Variants in CNTNAP2 observed in about 807,000 individuals in gnomAD.
CNTNAP2 encodes the protein contactin-associated protein-like 2.
In CNTNAP2, 98 loss-of-function variants were observed where a neutral mutation model predicts 155.2. That is an observed-to-expected ratio of 0.63 (90% CI 0.54 to 0.75). The LOEUF is 0.75. Ranked by LOEUF, CNTNAP2 falls within the 30% of genes least tolerant of loss-of-function variation. CNTNAP2 has a pLI of 0.00. For missense variants in CNTNAP2, 1,727 were observed against 1,688.1 expected, an observed-to-expected ratio of 1.02 and a Z score of -0.40; for synonymous variants, 651 against 631.2, an observed-to-expected ratio of 1.03 and a Z score of -0.47.
At chr7:146,248,784 A>G (rs533542376) in intron 1 of CNTNAP2, among the ~76,000 whole-genome samples, 4 of 152,266 alleles carry the variant, frequency 2.6e-5, no homozygotes, top group Admixed American at 2.6e-4. Context: ...TCCCAAGGGA[A>G]GTCCCCTGAT....
intron 1 of CNTNAP2, among the ~76,000 whole-genome samples, chr7:146,728,714 A>G (rs1191696231): frequency 6.6e-6 from 1 of 152,134 alleles, no homozygotes; most frequent in Non-Finnish European, 1.5e-5. Flanking sequence ...TTCGAGTTGA[A>G]TAAAATCCTC....
chr7:148,369,654 T>G (rs1477268057), intron 21 of CNTNAP2, among the ~76,000 whole-genome samples: 2 of 147,928 alleles, frequency 1.4e-5, no homozygotes, highest in Non-Finnish European at 3.0e-5. Context: ...ATTATTATTA[T>G]TATTATTATT....
At chr7:147,625,259 G>A (rs1210029766) in intron 12 of CNTNAP2, among the ~76,000 whole-genome samples, 1 of 152,104 alleles carries the variant, frequency 6.6e-6, no homozygotes, top group East Asian at 1.9e-4. Context: ...GAGTCTAATT[G>A]GATTGTTTGT....
intron 22 of CNTNAP2, among the ~76,000 whole-genome samples, chr7:148,393,412 C>T (rs1236622947): frequency 1.3e-5 from 2 of 152,206 alleles, no homozygotes; most frequent in Non-Finnish European, 1.5e-5. Context: ...GTGCATTTTC[C>T]TGCAAAGATC....
At chr7:147,123,066 A>T (rs1357654111) in intron 6 of CNTNAP2, among the ~76,000 whole-genome samples, 3 of 152,224 alleles carry the variant, frequency 2.0e-5, no homozygotes, top group African/African-American at 7.2e-5. Flanking sequence ...ACTGATGGAG[A>T]CTTTATTAAC....
intron 21 of CNTNAP2, among the ~76,000 whole-genome samples, chr7:148,382,904 A>G (rs921940758): frequency 6.6e-6 from 1 of 152,256 alleles, no homozygotes; most frequent in African/African-American, 2.4e-5. Context: ...TTTAACTGGT[A>G]TAACAACGTG....
At chr7:146,964,881 A>G (rs1350627880) in intron 3 of CNTNAP2, among the ~76,000 whole-genome samples, 1 of 102,636 alleles carries the variant, frequency 9.7e-6, no homozygotes, top group African/African-American at 3.1e-5. Flanking sequence ...GTTATTTACT[A>G]AAACAGGTGA....
In CNTNAP2 at chr7:147,515,572, C is replaced by T. The variant is rs187339464; in HGVS notation, c.1777+29531C>T. On this transcript the variant is annotated intron_variant, in intron 11 of 23. Transcript: ENST00000361727. ...TCTTGACCTCGTGATCTGCCCACCT[C>T]GGCCTCCCAAAGTGCTGGGATTACA... Among the ~76,000 whole-genome samples the T allele has an allele frequency of 9.9e-5, 15 of 152,206 alleles. No individual in the cohort carries two copies. The East Asian group carries it at 2.5e-3, about 25-fold the overall frequency.
intron 9 of CNTNAP2, among the ~76,000 whole-genome samples, chr7:147,394,835 G>GTGTGTT (rs1004619177): frequency 2.8e-5 from 4 of 145,234 alleles, no homozygotes; most frequent in Non-Finnish European, 6.2e-5. Flanking sequence ...GTGTGTGTGT[G>GTGTGTT]TGTGTGTGTG....
intron 3 of CNTNAP2, among the ~76,000 whole-genome samples, chr7:146,855,817 A>G (rs1251815731): frequency 1.6e-3 from 61 of 37,554 alleles, no homozygotes; most frequent in African/African-American, 0.01. Flanking sequence ...GTATATATAT[A>G]TATATATATA....
chr7:148,233,494 AG>A (rs1331241844), intron 20 of CNTNAP2, among the ~76,000 whole-genome samples: 4 of 152,212 alleles, frequency 2.6e-5, no homozygotes, highest in African/African-American at 9.6e-5. Flanking sequence ...GCAACCCATA[AG>A]GATGAACTAA....
chr7:147,087,758 T>C (rs1481325991), intron 4 of CNTNAP2, among the ~76,000 whole-genome samples: 2 of 151,982 alleles, frequency 1.3e-5, no homozygotes, highest in East Asian at 1.9e-4. Context: ...AGGTGGATCA[T>C]ATGAGGTCAG....
intron 1 of CNTNAP2, among the ~76,000 whole-genome samples, chr7:146,151,689 T>TAA (rs1798052233): frequency 7.7e-5 from 3 of 38,930 alleles, no homozygotes; most frequent in Non-Finnish European, 1.5e-4. Context: ...TATGTATATA[T>TAA]ATATATATGT....
At chr7:147,671,247 G>A (rs543230150) in intron 13 of CNTNAP2, among the ~76,000 whole-genome samples, 42 of 152,298 alleles carry the variant, frequency 2.8e-4, no homozygotes, top group Admixed American at 7.8e-4. Context: ...TGAGGCACCC[G>A]GTTGCAAGTT....
intron 13 of CNTNAP2, among the ~76,000 whole-genome samples, chr7:147,788,900 C>CTTTTTTTTTT (rs11440955): frequency 1.8e-4 from 18 of 100,746 alleles, no homozygotes; most frequent in Non-Finnish European, 2.4e-4. Context: ...TTTTCTTTTT[C>CTTTTTTTTTT]TTTTTTTTTT....
intron 8 of CNTNAP2, among the ~76,000 whole-genome samples, chr7:147,227,084 T>C: frequency 6.6e-6 from 1 of 152,188 alleles, no homozygotes; most frequent in East Asian, 1.9e-4. Flanking sequence ...TTCAATTTTT[T>C]AGAAACAGCT....
chr7:146,516,572 G>T (rs1399014769), intron 1 of CNTNAP2, among the ~76,000 whole-genome samples: 1 of 151,808 alleles, frequency 6.6e-6, no homozygotes, highest in East Asian at 1.9e-4. Context: ...ATGTCAGGAG[G>T]GAGTATAAGT....
chr7:147,049,636 A>T lies in CNTNAP2; in HGVS notation c.550+5582A>T, dbSNP rs186482837. Among the ~76,000 whole-genome samples, 165 of 152,258 alleles carry T rather than the reference A, an allele frequency of 1.1e-3. 3 individuals are homozygous for T. Among genetic ancestry groups the T allele is most frequent in the Non-Finnish European group, 5.6e-4 (38 of 68,026 alleles). On this transcript the variant is annotated intron_variant, in intron 4 of 23. Coordinates refer to ENST00000361727, the MANE Select transcript of CNTNAP2 (RefSeq NM_014141.6). ...CTCAGCAAGGAGAAACATAGTTTTG[A>T]TCCTGCCCGTGGAAGAGAGATGAAT...
chr7:147,301,208 A>G (rs79009045), intron 9 of CNTNAP2, among the ~76,000 whole-genome samples: 3,987 of 152,302 alleles, frequency 0.026, 90 homozygotes, highest in South Asian at 0.052. Flanking sequence ...TAACGAAAAG[A>G]TTAGTAAGAA....
Sources: gnomAD v4.1 joint callset for allele counts (sites outside exome capture counted in the v4.1 genomes callset) on GRCh38, gnomAD v4.1.1 for gene constraint, MANE v1.5 for transcripts, NCBI Gene and HGNC (gene_info 2026-07-23, HGNC 2026-07-21) for gene names.